Variants in TMEM131 observed in about 807,000 individuals in gnomAD.
TMEM131 encodes the protein transmembrane protein 131.
A neutral mutation model predicts 211.6 loss-of-function variants in TMEM131; 66 were observed. The observed-to-expected ratio is 0.31, with a 90% CI of 0.26 to 0.38. The LOEUF (loss-of-function observed/expected upper bound fraction) is 0.38, where lower values mean the gene tolerates loss of function less well. Among genes scored for constraint, TMEM131 ranks in the 10% least tolerant of loss-of-function variants. The probability of loss-of-function intolerance (pLI) is 1.00; values close to 1 mark genes in which losing one functional copy is unlikely to be tolerated. For missense variants in TMEM131, 2,036 were observed against 2,299.3 expected (o/e 0.89, Z 2.34); for synonymous variants, 844 against 841.3 (o/e 1.00, Z -0.06).
rs1001521718 is a variant in TMEM131, at chr2:97,945,413, C to G, written c.188-17926G>C. 4.6e-5 allele frequency among the ~76,000 whole-genome samples: 7 copies of G among 151,930 alleles called. No homozygotes were observed. In the South Asian group the frequency reaches 6.2e-4, roughly 13 times the overall value. ...AAGTCTATGAGTATACTTCAAAAAC[C>G]CACTGAATTATACACTTTAAAAGGT... is the stretch of plus-strand genomic sequence containing the variant. On this transcript the variant is annotated intron_variant, in intron 1 of 40. Coordinates refer to ENST00000186436, the MANE Select transcript of TMEM131 (RefSeq NM_015348.2).
chr2:97,970,832 C>T (rs1455694929), intron 1 of TMEM131, among the ~76,000 whole-genome samples: 6 of 152,052 alleles, frequency 3.9e-5, no homozygotes, highest in Admixed American at 6.6e-5. Flanking sequence ...GCAAGCAGAA[C>T]GCAGCAGAAG....
At chr2:97,870,393 T>C (rs940546055) in intron 4 of TMEM131, among the ~76,000 whole-genome samples, 2 of 152,140 alleles carry the variant, frequency 1.3e-5, no homozygotes, top group Non-Finnish European at 1.5e-5. Context: ...TCCAAATGCC[T>C]GCCAGTGCTG....
intron 4 of TMEM131, among the ~76,000 whole-genome samples, chr2:97,862,662 A>C (rs1674115712): frequency 6.6e-6 from 1 of 152,148 alleles, no homozygotes; most frequent in Non-Finnish European, 1.5e-5. Flanking sequence ...GAGCTTGAAG[A>C]CAGGCTATTT....
chr2:97,986,004 C>A (rs1680012298), intron 1 of TMEM131, among the ~76,000 whole-genome samples: 1 of 147,270 alleles, frequency 6.8e-6, no homozygotes. Context: ...ATAAAAAATT[C>A]AAATGCAAAT....
intron 11 of TMEM131, among the ~76,000 whole-genome samples, chr2:97,819,104 T>C (rs1681990686): frequency 6.6e-6 from 1 of 152,208 alleles, no homozygotes; most frequent in African/African-American, 2.4e-5. Context: ...ACTGAGGAAA[T>C]ATCTGAACCA....
intron 4 of TMEM131, among the ~76,000 whole-genome samples, chr2:97,862,321 C>T (rs982082577): frequency 3.9e-5 from 6 of 152,170 alleles, no homozygotes; most frequent in Non-Finnish European, 7.3e-5. Context: ...TGCCCAGACA[C>T]TGATGAACAT....
chr2:97,861,712 A>G (rs1410222322), intron 4 of TMEM131, among the ~76,000 whole-genome samples: 4 of 152,012 alleles, frequency 2.6e-5, no homozygotes, highest in Non-Finnish European at 5.9e-5. Context: ...ACAACAGAAC[A>G]CTAGGTAGAT....
In TMEM131 at chr2:97,815,207, A is replaced by C. The variant is rs1218406132; in HGVS notation, c.1284T>G (p.Val428=). 2.0e-6 allele frequency: 3 copies of C among 1,522,052 alleles called. No homozygotes were observed. Among genetic ancestry groups the C allele is most frequent in the Non-Finnish European group, 2.6e-6 (3 of 1,138,720 alleles). The allele number at this position is 1,522,052 out of a possible 1,614,324, so 94.3% of individuals were successfully genotyped here. ...TTTAAAAAGAAACTCACCCATCTAA[A>C]ACTTCTGCTTGATATGGTATTTCAA... ...SKLEIPYQAE[V]LDGYLGFDHA... Residue 428 remains valine (V), a synonymous_variant, in exon 13 of 41, where the codon GTT becomes GTG. Transcript: ENST00000186436.
chr2:97,784,848 T>C (rs1205832434), intron 31 of TMEM131, among the ~76,000 whole-genome samples: 3 of 151,950 alleles, frequency 2.0e-5, no homozygotes, highest in Non-Finnish European at 4.4e-5. Flanking sequence ...CTGACAAACC[T>C]AGCAAGACTG....
chr2:97,826,432 G>A (rs554234841), intron 11 of TMEM131, among the ~76,000 whole-genome samples: 15 of 152,286 alleles, frequency 9.8e-5, no homozygotes, highest in Admixed American at 2.0e-4. Context: ...GTTATTGCAC[G>A]CAGTACAAAA....
intron 3 of TMEM131, among the ~76,000 whole-genome samples, chr2:97,889,841 G>A (rs2104270478): frequency 6.6e-6 from 1 of 152,194 alleles, no homozygotes; most frequent in East Asian, 1.9e-4. Context: ...GCTACAGTGG[G>A]GAATAAAGAA....
Position 97,888,128 on chromosome 2 carries a change from T to G in TMEM131, c.291-8A>C. 6.2e-7 allele frequency: 1 copy of G among 1,608,590 alleles called. No individual in the cohort carries two copies. Among genetic ancestry groups the G allele is most frequent in the Admixed American group, 1.7e-5 (1 of 59,688 alleles). On this transcript the variant is annotated splice_region_variant and splice_polypyrimidine_tract_variant and intron_variant, in intron 3 of 40. Coordinates refer to ENST00000186436, the MANE Select transcript of TMEM131 (RefSeq NM_015348.2). ...CCCCGGTAGAGAGATATACTGTAAA[T>G]AAAAAGAAAACAACATAAGAAGCAA...
intron 1 of TMEM131, among the ~76,000 whole-genome samples, chr2:97,969,117 C>T (rs1023123215): frequency 6.0e-5 from 9 of 151,034 alleles, no homozygotes; most frequent in African/African-American, 2.2e-4. Context: ...GATATGACAA[C>T]ATTTATGTTA....
intron 1 of TMEM131, among the ~76,000 whole-genome samples, chr2:97,972,042 T>C (rs147587693): frequency 0.012 from 1,810 of 152,034 alleles, 40 homozygotes; most frequent in African/African-American, 0.041. Flanking sequence ...ACCCCATCTC[T>C]ACTAAAACTA....
At chr2:97,780,114 A>C (rs1162497044) in intron 31 of TMEM131, among the ~76,000 whole-genome samples, 1 of 152,190 alleles carries the variant, frequency 6.6e-6, no homozygotes, top group Non-Finnish European at 1.5e-5. Flanking sequence ...TATAAATTCT[A>C]TCCAGGTTTA....
intron 6 of TMEM131, 112 bp downstream of exon 6, chr2:97,844,033 C>CCCT: frequency 2.7e-6 from 1 of 364,710 alleles, no homozygotes. Context: ...TAAGTCTAAA[C>CCCT]TCCTACATTT....
At chr2:97,993,668 A>G (rs571245798) in intron 1 of TMEM131, among the ~76,000 whole-genome samples, 1 of 152,236 alleles carries the variant, frequency 6.6e-6, no homozygotes, top group Non-Finnish European at 1.5e-5. Flanking sequence ...GGCTGATTCA[A>G]CCACCCCTTT....
At chr2:97,815,351 C>A in intron 12 of TMEM131, 44 bp from the exon 13 acceptor site, 10 of 1,212,618 alleles carry the variant, frequency 8.2e-6, no homozygotes, top group South Asian at 3.2e-5. Context: ...CTTTTACTAC[C>A]AAAGAGAATT....
At chr2:97,987,816 A>C (rs1680093962) in intron 1 of TMEM131, among the ~76,000 whole-genome samples, 1 of 152,252 alleles carries the variant, frequency 6.6e-6, no homozygotes, top group African/African-American at 2.4e-5. Flanking sequence ...TGCTGAAAAA[A>C]TTAGACACAA....
Sources: gnomAD v4.1 joint callset for allele counts (sites outside exome capture counted in the v4.1 genomes callset) on GRCh38, gnomAD v4.1.1 for gene constraint, MANE v1.5 for transcripts, NCBI Gene and HGNC (gene_info 2026-07-23, HGNC 2026-07-21) for gene names.